The following MYH16 variants were observed in gnomAD, a reference collection of about 807,000 sequenced individuals.
MYH16 encodes the protein myosin heavy chain 16, also known as putative uncharacterized protein MYH16.
At chr7:99,297,925 GA>G in exon 36 of MYH16, 1 of 456,660 alleles carries the variant, frequency 2.2e-6, no homozygotes. Flanking sequence ...AATTCAGTTG[GA>G]ACTGGCTCAG....
At chr7:99,266,340 G>C (rs1791986772) in intron 17 of MYH16, among the ~76,000 whole-genome samples, 1 of 152,068 alleles carries the variant, frequency 6.6e-6, no homozygotes, top group Non-Finnish European at 1.5e-5. Flanking sequence ...TCTGCTTCTG[G>C]ACGAACACTG....
At chr7:99,251,523 T>G (rs1429785210) in intron 6 of MYH16, among the ~76,000 whole-genome samples, 1 of 152,212 alleles carries the variant, frequency 6.6e-6, no homozygotes, top group East Asian at 1.9e-4. Flanking sequence ...ATCTAGAATT[T>G]TTCAATTGTG....
At chr7:99,264,826 C>T (rs966347495) in intron 15 of MYH16, among the ~76,000 whole-genome samples, 1 of 152,138 alleles carries the variant, frequency 6.6e-6, no homozygotes, top group Admixed American at 6.5e-5. Context: ...GATTCTACAA[C>T]GACCCAGCTC....
At chr7:99,295,415 CCT>C (rs1792468821) in intron 33 of MYH16, among the ~76,000 whole-genome samples, 3 of 152,058 alleles carry the variant, frequency 2.0e-5, no homozygotes, top group Non-Finnish European at 2.9e-5. Context: ...ATGCACCTTC[CCT>C]GTTCCCCTCT....
intron 1 of MYH16, among the ~76,000 whole-genome samples, chr7:99,241,247 G>A (rs1791664110): frequency 6.6e-6 from 1 of 152,162 alleles, no homozygotes; most frequent in South Asian, 2.1e-4. Context: ...ACGTGGACGA[G>A]GACCAGAGAT....
At chr7:99,277,931 G>C (rs1444353588) in intron 21 of MYH16, among the ~76,000 whole-genome samples, 2 of 134,294 alleles carry the variant, frequency 1.5e-5, no homozygotes, top group African/African-American at 7.7e-5. Flanking sequence ...GAGAGAGAGA[G>C]AGAGAGACAG....
intron 36 of MYH16, among the ~76,000 whole-genome samples, chr7:99,299,057 C>T (rs771300648): frequency 6.8e-6 from 1 of 146,818 alleles, no homozygotes; most frequent in Non-Finnish European, 1.5e-5. Flanking sequence ...CAAAACCCCG[C>T]TCTACAAAAA....
chr7:99,260,275 G>A lies in MYH16; in HGVS notation n.1516G>A, dbSNP rs142091146. The A allele has an allele frequency of 1.1e-4, 175 of 1,582,528 alleles. No individual in the cohort carries two copies. In the African/African-American group the frequency reaches 1.8e-3, roughly 16 times the overall value. On this transcript the variant is annotated non_coding_transcript_exon_variant, in exon 12 of 42. Transcript: ENST00000439784. ...GGAGGAGTACAAGAGGGAAGGCATCGAGTGGGTCTTCATCGACTTTGGCCT... is the reference window on the plus strand; with the variant it reads ...GGAGGAGTACAAGAGGGAAGGCATCAAGTGGGTCTTCATCGACTTTGGCCT...
In MYH16 at chr7:99,248,472, C is replaced by T. The variant is rs185010864; in HGVS notation, n.512-519C>T. ...GTGCAGTGGTGCAATCTTAGCTCAC[C>T]GCAGTCTAGAACTTCTAGGCCCAAG... On this transcript the variant is annotated intron_variant and non_coding_transcript_variant, in intron 3 of 41. Coordinates refer to ENST00000439784, the Ensembl canonical transcript of MYH16. Among the ~76,000 whole-genome samples, 275 of 152,292 alleles carry T rather than the reference C, an allele frequency of 1.8e-3. 2 individuals are homozygous for T. The highest frequency in any genetic ancestry group is 1.3e-3 in the Non-Finnish European group (91 of 68,024).
At chr7:99,299,086 TA>T (rs61193729) in intron 36 of MYH16, among the ~76,000 whole-genome samples, 42,888 of 144,704 alleles carry the variant, frequency 0.3, 11,514 homozygotes, top group African/African-American at 0.72. Flanking sequence ...AAAATAAAAA[TA>T]AAAAAAAAAA....
chr7:99,259,053 C>A (rs985010943), intron 11 of MYH16, among the ~76,000 whole-genome samples: 2 of 152,224 alleles, frequency 1.3e-5, no homozygotes, highest in Middle Eastern at 3.4e-3. Flanking sequence ...ACCATCAGAT[C>A]TCCTGTGAAC....
rs1792670194 is a variant in MYH16 at position 99,305,825 on chromosome 7, T to A, written n.5435-11T>A. On this transcript the variant is annotated splice_polypyrimidine_tract_variant and intron_variant and non_coding_transcript_variant, in intron 40 of 41. Coordinates refer to ENST00000439784, the Ensembl canonical transcript of MYH16. ...CGTTCGCTCAGCCGCATTCCTCTCT[T>A]CCTCCCACAGATCAAGGAACTAGAG... is the stretch of plus-strand genomic sequence containing the variant. 6.5e-6 allele frequency: 1 copy of A among 152,998 alleles called. No homozygotes were observed. Among genetic ancestry groups the A allele is most frequent in the African/African-American group, 2.4e-5 (1 of 41,390 alleles). 9.5% of individuals were successfully genotyped at this position (152,998 alleles called of 1,614,324 possible). A position where few individuals can be genotyped will look rare whatever the true frequency, so the allele number is the denominator to read the frequency against.
chr7:99,267,847 C>T (rs549584694), intron 18 of MYH16, among the ~76,000 whole-genome samples: 36 of 152,314 alleles, frequency 2.4e-4, no homozygotes, highest in African/African-American at 2.9e-4. Context: ...CCAACATGAT[C>T]GCCCCGTGAC....
At chr7:99,256,576 C>T (rs1344601907) in intron 9 of MYH16, among the ~76,000 whole-genome samples, 1 of 152,166 alleles carries the variant, frequency 6.6e-6, no homozygotes, top group Non-Finnish European at 1.5e-5. Flanking sequence ...GAGTTCAAGA[C>T]CAGCCTGACC....
chr7:99,289,455 C>A, intron 30 of MYH16, 51 bp downstream of exon 11: 1 of 279,246 alleles, frequency 3.6e-6, no homozygotes, highest in Non-Finnish European at 7.7e-6. Context: ...TGGAAAGGAA[C>A]TGGGATTCTC....
At chr7:99,293,620 A>G (rs1012905823) in intron 32 of MYH16, among the ~76,000 whole-genome samples, 1 of 151,906 alleles carries the variant, frequency 6.6e-6, no homozygotes, top group East Asian at 1.9e-4. Context: ...TGTATTTGAC[A>G]TTGTCACCCC....
At chr7:99,254,035 G>C (rs997303409) in intron 8 of MYH16, 2 of 152,246 alleles carry the variant, frequency 1.3e-5, no homozygotes, top group African/African-American at 2.4e-5. Context: ...GATCACCTGA[G>C]GTCAGGAGTT....
At chr7:99,258,697 C>T (rs1344575505) in intron 11 of MYH16, among the ~76,000 whole-genome samples, 2 of 152,022 alleles carry the variant, frequency 1.3e-5, no homozygotes, top group Non-Finnish European at 1.5e-5. Context: ...AGCCAGTTGA[C>T]ATCATGTTGA....
At chr7:99,279,458 G>A (rs1349587881) in intron 21 of MYH16, 52 bp from the exon 4 acceptor site, 11 of 450,448 alleles carry the variant, frequency 2.4e-5, no homozygotes, top group Non-Finnish European at 4.5e-6. Context: ...CAGCGTCTTG[G>A]TGTGGTCTTT....
Sources: gnomAD v4.1 joint callset for allele counts (sites outside exome capture counted in the v4.1 genomes callset) on GRCh38, gnomAD v4.1.1 for gene constraint, MANE v1.5 for transcripts, NCBI Gene and HGNC (gene_info 2026-07-23, HGNC 2026-07-21) for gene names.